Variants in TAAR1 observed in about 807,000 individuals in gnomAD.
TAAR1 encodes the protein trace amine associated receptor 1, also known as trace amine-associated receptor 1.
Under a neutral mutation model 1.2 loss-of-function variants are expected in TAAR1, and 1 was observed. That is an observed-to-expected ratio of 0.81 (90% confidence interval 0.29 to 3.86). TAAR1 has a LOEUF of 3.86. Among genes scored for constraint, TAAR1 ranks in the 30% most tolerant of loss-of-function variants. The pLI is 0.18. For missense variants in TAAR1, 445 were observed against 405.6 expected (o/e 1.10, Z -0.83); for synonymous variants, 153 against 132.2 (o/e 1.16, Z -1.08).
Position 132,645,649 on chromosome 6 carries a change from T to A in TAAR1, c.355A>T (p.Ile119Phe), listed in dbSNP as rs781384227. 29 of 1,613,394 alleles carry A rather than the reference T, an allele frequency of 1.8e-5. No individual in the cohort carries two copies. Among genetic ancestry groups the A allele is most frequent in the Non-Finnish European group, 1.4e-5 (17 of 1,179,778 alleles). The change falls in exon 2 of 2, where the codon ATT becomes TTT. Residue 119 changes from isoleucine (I) to phenylalanine (F), a missense_variant. Physicochemically the swap from Ile to Phe is conservative, Grantham distance 21 (BLOSUM62 0). Transcript: ENST00000275216. ...ASIFHLSFIS[I>F]DRYYAVCDPL... ...TCACACACAGCATAGTAGCGGTCAA[T>A]GGAGATGAAAGACAAATGGAAAATG...
intron 1 of TAAR1, among the ~76,000 whole-genome samples, chr6:132,656,630 A>T (rs2114290461): frequency 6.6e-6 from 1 of 152,334 alleles, no homozygotes; most frequent in South Asian, 2.1e-4. Context: ...CCTTAAAAAA[A>T]ATTCATGCAC....
chr6:132,646,099 T>A lies in TAAR1; in HGVS notation c.-96A>T. 2 of 1,359,558 alleles carry A rather than the reference T, an allele frequency of 1.5e-6. No individual in the cohort carries two copies. Among genetic ancestry groups the A allele is most frequent in the Non-Finnish European group, 2.0e-6 (2 of 1,003,268 alleles). The allele number at this position is 1,359,558 out of a possible 1,614,324, so 84.2% of individuals were successfully genotyped here. ...AGGTTACAGTTCCTTCTCATGTTTATTTTTTATTTGCACATACTTATCCCA... is the reference window on the plus strand; with the variant it reads ...AGGTTACAGTTCCTTCTCATGTTTAATTTTTATTTGCACATACTTATCCCA... On this transcript the variant is annotated 5_prime_UTR_variant, in exon 2 of 2. Transcript: ENST00000275216.
At chr6:132,650,105 T>C (rs1196834211) in intron 1 of TAAR1, among the ~76,000 whole-genome samples, 1 of 152,228 alleles carries the variant, frequency 6.6e-6, no homozygotes, top group East Asian at 1.9e-4. Flanking sequence ...TCATTATCAA[T>C]GACAAGAGTC....
In TAAR1 at chr6:132,644,328, T is replaced by A. The variant is rs972361041; in HGVS notation, c.*656A>T. 2.6e-5 allele frequency among the ~76,000 whole-genome samples: 4 copies of A among 151,902 alleles called. No homozygotes were observed. Among genetic ancestry groups the A allele is most frequent in the African/African-American group, 9.7e-5 (4 of 41,404 alleles). ...AAATAAAGAATTTTAGATGATATAA[T>A]CCTTACCAGGAAGTATACTATGAAT... On this transcript the variant is annotated 3_prime_UTR_variant, in exon 2 of 2. Transcript: ENST00000275216.
rs1491508479 is a variant in TAAR1 at position 132,647,622 on chromosome 6, AGG to A, written c.-126-1495_-126-1494del. On this transcript the variant is annotated intron_variant, in intron 1 of 1. Coordinates refer to ENST00000275216, the MANE Select transcript of TAAR1 (RefSeq NM_138327.4). ...AGAAAGAAAAAAGAAAGAAAGAAAA[AGG>A]AAAGAAAGAAAGAAAGAAAGAAAGA... Among the ~76,000 whole-genome samples the A allele has an allele frequency of 3.0e-3, 294 of 98,712 alleles. 12 individuals carry two copies. The highest frequency in any genetic ancestry group is 8.8e-3 in the African/African-American group (277 of 31,328). The allele number at this position is 98,712 out of a possible 152,430, so 64.8% of individuals were successfully genotyped here. A position where few individuals can be genotyped will look rare whatever the true frequency, so the allele number is the denominator to read the frequency against.
rs949984410 is a variant in TAAR1 at position 132,643,890 on chromosome 6, G to C, written c.*1094C>G. Among the ~76,000 whole-genome samples the C allele has an allele frequency of 6.6e-6, 1 of 151,812 alleles. No individual in the cohort carries two copies. Among genetic ancestry groups the C allele is most frequent in the African/African-American group, 2.4e-5 (1 of 41,354 alleles). On this transcript the variant is annotated 3_prime_UTR_variant, in exon 2 of 2. Coordinates refer to ENST00000275216, the MANE Select transcript of TAAR1 (RefSeq NM_138327.4). ...TACATCTAGTCTGATTATACTTCTT[G>C]TTGGCCCTCATGTTTAGCTACTTTG...
intron 1 of TAAR1, among the ~76,000 whole-genome samples, chr6:132,655,174 A>G (rs935713482): frequency 6.6e-6 from 1 of 152,222 alleles, no homozygotes; most frequent in African/African-American, 2.4e-5. Context: ...AATAAAATTT[A>G]GTAGAAACAC....
At position 132,645,130 on chromosome 6, in the gene TAAR1, A is replaced by G; in HGVS notation, c.874T>C (p.Phe292Leu). Residue 292 changes from phenylalanine to leucine, a missense_variant, in exon 2 of 2, where the codon TTT becomes CTT. Phe to Leu is a conservative substitution (Grantham distance 22, BLOSUM62 0). Coordinates refer to ENST00000275216, the MANE Select transcript of TAAR1 (RefSeq NM_138327.4). ...PPTLNDVLIW[F>L]GYLNSTFNPM... The stretch of plus-strand genomic sequence containing the variant: ...TTAAATGTAGAGTTCAAGTAGCCAA[A>G]CCAAATCAATACATCATTCAAAGTA... 6.2e-7 allele frequency: 1 copy of G among 1,613,282 alleles called. No individual in the cohort carries two copies. Among genetic ancestry groups the G allele is most frequent in the Non-Finnish European group, 8.5e-7 (1 of 1,179,622 alleles).
chr6:132,647,117 C>G (rs770437794), intron 1 of TAAR1, among the ~76,000 whole-genome samples: 2 of 151,954 alleles, frequency 1.3e-5, no homozygotes, highest in Non-Finnish European at 2.9e-5. Context: ...TCCATGTGGG[C>G]CGTGGGCAAG....
rs1237178598 is a variant in TAAR1 at position 132,645,480 on chromosome 6, T to C, written c.524A>G (p.His175Arg). The C allele has an allele frequency of 6.2e-7, 1 of 1,613,786 alleles. No individual in the cohort carries two copies. The highest frequency in any genetic ancestry group is 1.7e-5 in the Admixed American group (1 of 59,954). Residue 175 changes from histidine (H) to arginine (R), a missense_variant, in exon 2 of 2, where the codon CAT (histidine) becomes CGT (arginine). Transcript: ENST00000275216. Reference sequence around the variant, plus strand: ...AGAGCAACCTCCTCTGCAGTGAACATGTTTGTAATATATCTCTTCAGCGCC... The same window carrying C: ...AGAGCAACCTCCTCTGCAGTGAACACGTTTGTAATATATCTCTTCAGCGCC... ...FKGAEEIYYK[H>R]VHCRGGCSVF...
intron 1 of TAAR1, among the ~76,000 whole-genome samples, chr6:132,654,029 G>T (rs1188343207): frequency 6.6e-6 from 1 of 152,142 alleles, no homozygotes; most frequent in African/African-American, 2.4e-5. Flanking sequence ...CTCAAATATA[G>T]AAAATGTTTT....
intron 1 of TAAR1, among the ~76,000 whole-genome samples, chr6:132,649,788 T>C (rs766974389): frequency 5.9e-5 from 9 of 152,114 alleles, no homozygotes; most frequent in African/African-American, 2.2e-4. Context: ...GTCCCTTCCA[T>C]GACACGTGGG....
At chr6:132,648,707 C>T (rs1182658133) in intron 1 of TAAR1, among the ~76,000 whole-genome samples, 8 of 152,172 alleles carry the variant, frequency 5.3e-5, no homozygotes, top group African/African-American at 1.9e-4. Context: ...TGTTTAAGTG[C>T]TCTATGACAA....
chr6:132,645,099 A>G lies in TAAR1; in HGVS notation c.905T>C (p.Met302Thr), dbSNP rs371131401. The G allele has an allele frequency of 9.3e-6, 15 of 1,612,724 alleles. No individual in the cohort carries two copies. Among genetic ancestry groups the G allele is most frequent in the Middle Eastern group, 1.6e-4 (1 of 6,072 alleles). The change falls in exon 2 of 2, where the codon ATG (methionine) becomes ACG (threonine). Residue 302 changes from methionine (M) to threonine (T), a missense_variant. Coordinates refer to ENST00000275216, the MANE Select transcript of TAAR1 (RefSeq NM_138327.4). Reference sequence around the variant, plus strand: ...CCAAGGATAGAAAAATGCATAAACCATTGGATTAAATGTAGAGTTCAAGTA... The same window carrying G: ...CCAAGGATAGAAAAATGCATAAACCGTTGGATTAAATGTAGAGTTCAAGTA... Reference protein sequence around the residue: ...FGYLNSTFNPMVYAFFYPWFR... With the variant: ...FGYLNSTFNPTVYAFFYPWFR...
chr6:132,650,592 A>G (rs1231135858), intron 1 of TAAR1, among the ~76,000 whole-genome samples: 1 of 152,148 alleles, frequency 6.6e-6, no homozygotes, highest in Non-Finnish European at 1.5e-5. Context: ...TCACCTAATG[A>G]CTTTGCATTC....
chr6:132,652,869 G>C (rs1444217163), intron 1 of TAAR1, among the ~76,000 whole-genome samples: 1 of 151,726 alleles, frequency 6.6e-6, no homozygotes, highest in African/African-American at 2.4e-5. Context: ...GGTGTGGAGA[G>C]TAGGTTCAAT....
intron 1 of TAAR1, among the ~76,000 whole-genome samples, chr6:132,656,258 A>G (rs1283608792): frequency 6.6e-6 from 1 of 152,248 alleles, no homozygotes; most frequent in African/African-American, 2.4e-5. Context: ...TTATAATAGC[A>G]TCTTGTAGAT....
In TAAR1 at chr6:132,644,244, A is replaced by T. The variant is rs1217307663; in HGVS notation, c.*740T>A. On this transcript the variant is annotated 3_prime_UTR_variant, in exon 2 of 2. Coordinates refer to ENST00000275216, the MANE Select transcript of TAAR1 (RefSeq NM_138327.4). Reference sequence around the variant, plus strand: ...CAGCATCATGCATTATATTTAGTTAATATGTGCACATATGCCCCGACTCCA... The same window carrying T: ...CAGCATCATGCATTATATTTAGTTATTATGTGCACATATGCCCCGACTCCA... Among the ~76,000 whole-genome samples the T allele has an allele frequency of 2.6e-5, 4 of 151,976 alleles. No homozygotes were observed. The highest frequency in any genetic ancestry group is 9.7e-5 in the African/African-American group (4 of 41,412).
Position 132,646,013 on chromosome 6 carries a change from C to A in TAAR1, c.-10G>T. The A allele has an allele frequency of 6.4e-7, 1 of 1,568,016 alleles. No homozygotes were observed. The highest frequency in any genetic ancestry group is 1.2e-5 in the South Asian group (1 of 83,604). Reference sequence around the variant, plus strand: ...GGCAAAAGGGCATCATTCCTGAGGGCTGTCAATCAGTTTACTTTTCCCTTT... The same window carrying A: ...GGCAAAAGGGCATCATTCCTGAGGGATGTCAATCAGTTTACTTTTCCCTTT... On this transcript the variant is annotated 5_prime_UTR_variant, in exon 2 of 2. Transcript: ENST00000275216.
Sources: gnomAD v4.1 joint callset for allele counts (sites outside exome capture counted in the v4.1 genomes callset) on GRCh38, gnomAD v4.1.1 for gene constraint, MANE v1.5 for transcripts, NCBI Gene and HGNC (gene_info 2026-07-23, HGNC 2026-07-21) for gene names.